ANKS6: variants seen among roughly 807,000 people sequenced by gnomAD.
The protein encoded by ANKS6 is ankyrin repeat and SAM domain-containing protein 6.
Under a neutral mutation model 77.9 loss-of-function variants are expected in ANKS6, and 47 were observed. The observed-to-expected ratio is 0.60, with a 90% CI of 0.48 to 0.77. ANKS6 has a LOEUF of 0.77. Among genes scored for constraint, ANKS6 ranks in the 30% least tolerant of loss-of-function variants. ANKS6 has a pLI of 0.00. For synonymous variants in ANKS6, 488 were observed against 501.7 expected (o/e 0.97, Z 0.37); for missense variants, 1,150 against 1,159.1 (o/e 0.99, Z 0.11).
chr9:98,788,914 T>C (rs1834728406), intron 2 of ANKS6, among the ~76,000 whole-genome samples: 1 of 152,252 alleles, frequency 6.6e-6, no homozygotes, highest in Admixed American at 6.5e-5. Flanking sequence ...CTTCAGGTAG[T>C]TCTTCCTAAA....
chr9:98,778,478 G>A, intron 6 of ANKS6, 54 bp from the exon 7 acceptor site: 1 of 1,570,848 alleles, frequency 6.4e-7, no homozygotes, highest in African/African-American at 1.4e-5. Flanking sequence ...AAGGAGACCA[G>A]GCCCAGGACC....
chr9:98,739,313 C>T (rs1049521651), intron 14 of ANKS6, among the ~76,000 whole-genome samples: 6 of 152,122 alleles, frequency 3.9e-5, no homozygotes, highest in East Asian at 1.9e-4. Context: ...ACAACAACAA[C>T]GAATAGAAAC....
At chr9:98,796,098 C>T (rs956631114) in intron 1 of ANKS6, 35 bp downstream of exon 1, 8 of 1,304,640 alleles carry the variant, frequency 6.1e-6, no homozygotes, top group African/African-American at 4.6e-5. Context: ...CCGGGCACCA[C>T]TCTGGTCCCG....
At chr9:98,752,914 G>A (rs895483505) in intron 12 of ANKS6, among the ~76,000 whole-genome samples, 4 of 152,292 alleles carry the variant, frequency 2.6e-5, no homozygotes, top group East Asian at 3.9e-4. Context: ...GCTACTGAGC[G>A]AGGATGTATG....
rs180926207 is a variant in ANKS6, at chr9:98,789,908, T to C, written c.862+196A>G. ...CTTGCCCAGGGCTACCAAATCACTCTGCAGAGAGTGGGCCCAGAACCTGCA... is the reference window on the plus strand; with the variant it reads ...CTTGCCCAGGGCTACCAAATCACTCCGCAGAGAGTGGGCCCAGAACCTGCA... On this transcript the variant is annotated intron_variant, in intron 2 of 14. Coordinates refer to ENST00000353234, the MANE Select transcript of ANKS6 (RefSeq NM_173551.5). 1.6e-3 allele frequency: 1,218 copies of C among 741,372 alleles called. 3 individuals carry two copies. The highest frequency in any genetic ancestry group is 1.8e-3 in the Non-Finnish European group (899 of 504,170). The allele number at this position is 741,372 out of a possible 1,614,324, so 45.9% of individuals were successfully genotyped here. A position where few individuals can be genotyped will look rare whatever the true frequency, so the allele number is the denominator to read the frequency against.
At chr9:98,778,124 A>G in intron 7 of ANKS6, 102 bp downstream of exon 7, 1 of 1,364,088 alleles carries the variant, frequency 7.3e-7, no homozygotes, top group East Asian at 2.4e-5. Flanking sequence ...CCATTCCAAC[A>G]TCATCTTACC....
rs914094232 is a variant in ANKS6, at chr9:98,735,665, A to G, written c.*854T>C. ...ACAGGTGAGCACTGTGGAGTACCAG[A>G]GCATCATCTGGTCTGACCTTCCACT... On this transcript the variant is annotated 3_prime_UTR_variant, in exon 15 of 15. Transcript: ENST00000353234. 2.4e-6 allele frequency: 3 copies of G among 1,231,632 alleles called. No homozygotes were observed. The highest frequency in any genetic ancestry group is 3.0e-6 in the Non-Finnish European group (3 of 987,980). The allele number at this position is 1,231,632 out of a possible 1,614,324, so 76.3% of individuals were successfully genotyped here.
intron 13 of ANKS6, among the ~76,000 whole-genome samples, chr9:98,748,831 A>G (rs1832281535): frequency 6.6e-6 from 1 of 152,162 alleles, no homozygotes; most frequent in African/African-American, 2.4e-5. Flanking sequence ...GAAAGATGAA[A>G]ATTATTAGTC....
chr9:98,769,887 T>C (rs1833529574), intron 10 of ANKS6, among the ~76,000 whole-genome samples: 1 of 152,248 alleles, frequency 6.6e-6, no homozygotes. Flanking sequence ...TTTTTATAAA[T>C]ATTCATAATC....
At chr9:98,775,054 T>C (rs960080038) in intron 8 of ANKS6, among the ~76,000 whole-genome samples, 1 of 152,204 alleles carries the variant, frequency 6.6e-6, no homozygotes, top group Non-Finnish European at 1.5e-5. Flanking sequence ...GCTGGCTCTG[T>C]CCTGCTTTTC....
intron 12 of ANKS6, among the ~76,000 whole-genome samples, chr9:98,752,115 A>C (rs79780825): frequency 0.055 from 8,440 of 152,188 alleles, 623 homozygotes; most frequent in African/African-American, 0.18. Context: ...CAAACAAACA[A>C]ACAAAGGCTG....
chr9:98,736,159 C>A lies in ANKS6; in HGVS notation c.*360G>T. Reference sequence around the variant, plus strand: ...AGTTAAGAGCAAGGCAGGTAAGAAGCAGCCGTGCCTTCTCCATCGTCCCTT... The same window carrying A: ...AGTTAAGAGCAAGGCAGGTAAGAAGAAGCCGTGCCTTCTCCATCGTCCCTT... On this transcript the variant is annotated 3_prime_UTR_variant, in exon 15 of 15. Coordinates refer to ENST00000353234, the MANE Select transcript of ANKS6 (RefSeq NM_173551.5). The A allele has an allele frequency of 8.7e-7, 1 of 1,153,944 alleles. No individual in the cohort carries two copies. Among genetic ancestry groups the A allele is most frequent in the Non-Finnish European group, 1.1e-6 (1 of 936,652 alleles). The allele number at this position is 1,153,944 out of a possible 1,614,324, so 71.5% of individuals were successfully genotyped here. A position where few individuals can be genotyped will look rare whatever the true frequency, so the allele number is the denominator to read the frequency against.
rs1308762150 is a variant in ANKS6, at chr9:98,733,844, A to G, written c.*2675T>C. 3 of 985,276 alleles carry G rather than the reference A, an allele frequency of 3.0e-6. No individual in the cohort carries two copies. The highest frequency in any genetic ancestry group is 3.6e-6 in the Non-Finnish European group (3 of 829,940). The allele number at this position is 985,276 out of a possible 1,614,324, so 61.0% of individuals were successfully genotyped here. ...CATACACACCCTACGTTTCTTTATG[A>G]AAAACCTATTATCCTGTGGAACTAG... is the stretch of plus-strand genomic sequence containing the variant. On this transcript the variant is annotated 3_prime_UTR_variant, in exon 15 of 15. Transcript: ENST00000353234.
intron 2 of ANKS6, among the ~76,000 whole-genome samples, chr9:98,785,817 G>C (rs1834534673): frequency 1.3e-5 from 2 of 152,170 alleles, no homozygotes; most frequent in Admixed American, 1.3e-4. Context: ...AGAGTGTGGA[G>C]TCAGTGCACG....
intron 14 of ANKS6, among the ~76,000 whole-genome samples, chr9:98,738,369 G>T (rs185719360): frequency 9.9e-4 from 150 of 152,104 alleles, no homozygotes; most frequent in African/African-American, 3.4e-3. Context: ...AATCTACAAT[G>T]AACTCAACCA....
chr9:98,795,842 G>A (rs1588429381), intron 1 of ANKS6: 1 of 255,898 alleles, frequency 3.9e-6, no homozygotes, highest in East Asian at 6.9e-5. Flanking sequence ...AACTCTTACT[G>A]CAATAAGAAA....
At chr9:98,749,380 A>G (rs1346244473) in intron 13 of ANKS6, among the ~76,000 whole-genome samples, 1 of 152,198 alleles carries the variant, frequency 6.6e-6, no homozygotes, top group East Asian at 1.9e-4. Context: ...TACTAAAATT[A>G]GAGCAAATCT....
At chr9:98,743,427 T>C (rs1831947427) in intron 14 of ANKS6, among the ~76,000 whole-genome samples, 1 of 152,198 alleles carries the variant, frequency 6.6e-6, no homozygotes, top group East Asian at 1.9e-4. Context: ...TTTAGTTCTT[T>C]AAACACACTG....
At chr9:98,794,347 G>A (rs182278881) in intron 1 of ANKS6, among the ~76,000 whole-genome samples, 280 of 152,216 alleles carry the variant, frequency 1.8e-3, no homozygotes, top group Non-Finnish European at 3.1e-3. Context: ...TTCTGGGGGC[G>A]TATCCAGATC....
Sources: gnomAD v4.1 joint callset for allele counts (sites outside exome capture counted in the v4.1 genomes callset) on GRCh38, gnomAD v4.1.1 for gene constraint, MANE v1.5 for transcripts, NCBI Gene and HGNC (gene_info 2026-07-23, HGNC 2026-07-21) for gene names.